The following SHLD1 variants were observed in gnomAD, a reference collection of about 807,000 sequenced individuals.
SHLD1 encodes shieldin complex subunit 1, also known as RINN1-REV7-interacting novel NHEJ regulator 3.
A neutral mutation model predicts 5.5 loss-of-function variants in SHLD1; 3 were observed. The observed-to-expected ratio is 0.54, with a 90% confidence interval of 0.25 to 1.40. The LOEUF is 1.40. SHLD1 is among the 40% of genes most tolerant of loss of function. The probability of loss-of-function intolerance (pLI) is 0.15; values close to 1 mark genes in which losing one functional copy is unlikely to be tolerated. For synonymous variants in SHLD1, 92 were observed against 94.3 expected (o/e 0.98, Z 0.14); for missense variants, 210 against 244.4 (o/e 0.86, Z 0.94).
At chr20:5,852,797 AT>A (rs1311148404) in intron 2 of SHLD1, among the ~76,000 whole-genome samples, 1 of 152,120 alleles carries the variant, frequency 6.6e-6, no homozygotes, top group Non-Finnish European at 1.5e-5. Flanking sequence ...TTTTATTGCT[AT>A]TATAAAGTTT....
At chr20:5,813,796 T>C (rs2043512482) in intron 2 of SHLD1, among the ~76,000 whole-genome samples, 1 of 152,116 alleles carries the variant, frequency 6.6e-6, no homozygotes, top group Non-Finnish European at 1.5e-5. Flanking sequence ...AATGCAAATA[T>C]TGGAAAAGAG....
At chr20:5,838,310 G>T (rs2087813956) in intron 2 of SHLD1, among the ~76,000 whole-genome samples, 1 of 152,090 alleles carries the variant, frequency 6.6e-6, no homozygotes, top group Non-Finnish European at 1.5e-5. Flanking sequence ...AAAGCCAAAA[G>T]GAATAGTAAG....
chr20:5,764,081 C>T (rs1440987240), intron 1 of SHLD1, among the ~76,000 whole-genome samples: 1 of 140,676 alleles, frequency 7.1e-6, no homozygotes, highest in Non-Finnish European at 1.5e-5. Context: ...GAGTCGAGAT[C>T]GTGCCACTGC....
At position 5,818,013 on chromosome 20, in the gene SHLD1, A is replaced by G. The variant is rs184869113; in HGVS notation, c.178+44970A>G. 6.6e-5 allele frequency among the ~76,000 whole-genome samples: 10 copies of G among 152,314 alleles called. No homozygotes were observed. The East Asian group carries it at 1.9e-3, about 29-fold the overall frequency. ...TCAAAGTCCTATACTAACTGTGACC[A>G]GGATCTGAAAGCAGTTGTTTTTTGT... On this transcript the variant is annotated intron_variant, in intron 2 of 2. Transcript: ENST00000303142.
intron 1 of SHLD1, among the ~76,000 whole-genome samples, chr20:5,763,962 A>AG (rs1190672585): frequency 6.8e-6 from 1 of 146,216 alleles, no homozygotes; most frequent in Non-Finnish European, 1.5e-5. Flanking sequence ...AAAAAAAAAA[A>AG]AAAAAAATAG....
At chr20:5,849,486 C>T (rs1469694707) in intron 2 of SHLD1, among the ~76,000 whole-genome samples, 3 of 152,188 alleles carry the variant, frequency 2.0e-5, no homozygotes, top group Admixed American at 6.5e-5. Flanking sequence ...GGATGATTTC[C>T]AGCATCAAAT....
intron 2 of SHLD1, among the ~76,000 whole-genome samples, chr20:5,845,422 C>T (rs2087921462): frequency 1.3e-5 from 2 of 152,172 alleles, no homozygotes; most frequent in East Asian, 1.9e-4. Flanking sequence ...AAACTCAAGG[C>T]TTCTTCCCAA....
intron 2 of SHLD1, among the ~76,000 whole-genome samples, chr20:5,786,442 G>A (rs6053688): frequency 0.011 from 1,698 of 152,272 alleles, 33 homozygotes; most frequent in African/African-American, 0.039. Context: ...GGGCATGGTA[G>A]CATGCACCTA....
intron 2 of SHLD1, among the ~76,000 whole-genome samples, chr20:5,850,134 AAT>A (rs1267944157): frequency 6.8e-6 from 1 of 147,632 alleles, no homozygotes; most frequent in East Asian, 2.0e-4. Flanking sequence ...TAATAATAAT[AAT>A]AATAATAATA....
rs1014156397 is a variant in SHLD1 at position 5,809,557 on chromosome 20, C to G, written c.178+36514C>G. Among the ~76,000 whole-genome samples the G allele has an allele frequency of 2.6e-4, 39 of 152,078 alleles. 1 individual carries two copies. The highest frequency in any genetic ancestry group is 9.4e-4 in the African/African-American group (39 of 41,310). Reference sequence around the variant, plus strand: ...CAGTCAAAGCTCAGCAGCTCCAGCTCTAGCTGGATGAATTATCTTCTAACC... The same window carrying G: ...CAGTCAAAGCTCAGCAGCTCCAGCTGTAGCTGGATGAATTATCTTCTAACC... On this transcript the variant is annotated intron_variant, in intron 2 of 2. Transcript: ENST00000303142.
chr20:5,844,859 A>C (rs908235733), intron 2 of SHLD1, among the ~76,000 whole-genome samples: 3 of 141,982 alleles, frequency 2.1e-5, no homozygotes, highest in Non-Finnish European at 4.5e-5. Context: ...TAGTAGTGCG[A>C]TCTCGGTTCA....
At chr20:5,797,994 T>C (rs1455143013) in intron 2 of SHLD1, among the ~76,000 whole-genome samples, 1 of 152,178 alleles carries the variant, frequency 6.6e-6, no homozygotes, top group Non-Finnish European at 1.5e-5. Flanking sequence ...CAACAACCAT[T>C]ATGTTCTCTC....
intron 2 of SHLD1, among the ~76,000 whole-genome samples, chr20:5,804,633 T>C (rs2087348318): frequency 6.6e-6 from 1 of 152,216 alleles, no homozygotes; most frequent in Non-Finnish European, 1.5e-5. Flanking sequence ...AAGGTGGCCG[T>C]CATTCATTTT....
At chr20:5,755,857 C>T (rs760175342) in intron 1 of SHLD1, among the ~76,000 whole-genome samples, 1 of 152,070 alleles carries the variant, frequency 6.6e-6, no homozygotes, top group African/African-American at 2.4e-5. Flanking sequence ...CCACGTCTGG[C>T]GGGAAAAACA....
At chr20:5,849,452 C>A (rs938755187) in intron 2 of SHLD1, among the ~76,000 whole-genome samples, 1 of 152,180 alleles carries the variant, frequency 6.6e-6, no homozygotes, top group South Asian at 2.1e-4. Context: ...TCTGTAGACA[C>A]CTTATTGTTT....
intron 2 of SHLD1, among the ~76,000 whole-genome samples, chr20:5,857,055 C>T (rs1383762367): frequency 1.3e-5 from 2 of 152,180 alleles, no homozygotes; most frequent in African/African-American, 4.8e-5. Flanking sequence ...AATCTCGGCT[C>T]ACTGCAACCT....
chr20:5,830,729 G>A (rs1482340271), intron 2 of SHLD1, among the ~76,000 whole-genome samples: 2 of 151,730 alleles, frequency 1.3e-5, no homozygotes, highest in African/African-American at 4.8e-5. Flanking sequence ...TTAGAATGGT[G>A]GTAAGTCTTA....
At chr20:5,758,684 G>T (rs1371024574) in intron 1 of SHLD1, among the ~76,000 whole-genome samples, 1 of 152,144 alleles carries the variant, frequency 6.6e-6, no homozygotes, top group African/African-American at 2.4e-5. Context: ...CTCCCAAAGT[G>T]CTGGGATTAC....
At chr20:5,771,475 G>A (rs1985148828) in intron 1 of SHLD1, among the ~76,000 whole-genome samples, 1 of 152,174 alleles carries the variant, frequency 6.6e-6, no homozygotes, top group Non-Finnish European at 1.5e-5. Flanking sequence ...GGGGATCCTT[G>A]CTGATGTCTT....
Sources: allele counts gnomAD v4.1 joint callset (sites outside exome capture counted in the v4.1 genomes callset), GRCh38; gene constraint gnomAD v4.1.1; transcripts MANE v1.5; gene names NCBI Gene and HGNC (gene_info 2026-07-23, HGNC 2026-07-21).